HIRA: variants seen among roughly 807,000 people sequenced by gnomAD.
HIRA encodes the protein protein HIRA.
HIRA carries 13 observed loss-of-function variants against 126.6 expected under a neutral mutation model. The observed-to-expected ratio is 0.10, with a 90% CI of 0.07 to 0.16. The LOEUF (loss-of-function observed/expected upper bound fraction) is 0.16. HIRA is among the 10% of genes least tolerant of loss of function. The pLI is 1.00. For synonymous variants in HIRA, 511 were observed against 520.0 expected (o/e 0.98, Z 0.24); for missense variants, 834 against 1,314.4 (o/e 0.63, Z 5.65).
chr22:19,421,299 CAAA>C (rs35575540), intron 1 of HIRA, among the ~76,000 whole-genome samples: 13 of 130,208 alleles, frequency 1.0e-4, no homozygotes, highest in Non-Finnish European at 1.5e-4. Flanking sequence ...AACTCCGTCT[CAAA>C]AAAAAAAAAA....
chr22:19,350,161 TCCATCA>T lies in HIRA; in HGVS notation c.2937+1191_2937+1196del, dbSNP rs553858636. Among the ~76,000 whole-genome samples the T allele has an allele frequency of 6.3e-3, 961 of 152,198 alleles. 4 individuals are homozygous for T. Among genetic ancestry groups the T allele is most frequent in the Middle Eastern group, 0.01 (3 of 294 alleles). ...CCCTTTTAATTTTTTTCCCATGGCA[TCCATCA>T]CCACTCAAGACACTACAGATACCTC... On this transcript the variant is annotated intron_variant, in intron 24 of 24. Transcript: ENST00000263208.
At chr22:19,405,206 G>GAA (rs1341564805) in intron 5 of HIRA, among the ~76,000 whole-genome samples, 1 of 152,104 alleles carries the variant, frequency 6.6e-6, no homozygotes, top group Non-Finnish European at 1.5e-5. Context: ...ACCCTGCCTG[G>GAA]AAAACCCTTT....
chr22:19,420,291 T>C (rs1193446618), intron 1 of HIRA, among the ~76,000 whole-genome samples: 1 of 151,560 alleles, frequency 6.6e-6, no homozygotes, highest in African/African-American at 2.4e-5. Flanking sequence ...ACCCCATCTC[T>C]ACAAATTAAA....
intron 21 of HIRA, among the ~76,000 whole-genome samples, chr22:19,354,663 TACAG>T (rs1178580928): frequency 3.7e-4 from 57 of 152,364 alleles, no homozygotes; most frequent in African/African-American, 1.3e-3. Context: ...CAAAGATGCC[TACAG>T]AGAGTCAATA....
In HIRA at chr22:19,387,776, C is replaced by T. The variant is rs2089140041; in HGVS notation, c.1048G>A (p.Gly350Ser). The T allele has an allele frequency of 3.1e-6, 5 of 1,613,918 alleles. No individual in the cohort carries two copies. Among genetic ancestry groups the T allele is most frequent in the Non-Finnish European group, 1.7e-6 (2 of 1,179,976 alleles). ...GLGILVCSMDGSVAFLDFSQD... is the reference protein window; with the variant it reads ...GLGILVCSMDSSVAFLDFSQD... ...GAGAAGTCGAGGAATGCCACAGAGCCGTCCATAGAGCATACCAAGATGCCC... is the reference window on the plus strand; with the variant it reads ...GAGAAGTCGAGGAATGCCACAGAGCTGTCCATAGAGCATACCAAGATGCCC... The change falls in exon 11 of 25, where the codon GGC becomes AGC. Residue 350 changes from glycine to serine, a missense_variant. Gly to Ser is a moderately conservative substitution (Grantham distance 56). Coordinates refer to ENST00000263208, the MANE Select transcript of HIRA (RefSeq NM_003325.4).
In HIRA at chr22:19,361,809, A is replaced by T. The variant is rs1056636758; in HGVS notation, c.1898T>A (p.Leu633His). The change falls in exon 16 of 25, where the codon CTT becomes CAT. Residue 633 changes from leucine to histidine, a missense_variant. This residue lies in a region of HIRA where 468 missense variants were observed against 574.2 expected (regional missense o/e 0.82). Transcript: ENST00000263208. Reference protein sequence around the residue: ...ASSLSKRKLELEVETVEKKKK... With the variant: ...ASSLSKRKLEHEVETVEKKKK... ...CTTCTTCTCTACTGTCTCTACCTCA[A>T]GCTCAAGTTTTCGCTTGGACAGTGA... 9.3e-6 allele frequency: 15 copies of T among 1,613,952 alleles called. No homozygotes were observed. The highest frequency in any genetic ancestry group is 1.3e-5 in the Non-Finnish European group (15 of 1,180,020).
At chr22:19,401,283 T>C (rs2089266634) in intron 5 of HIRA, among the ~76,000 whole-genome samples, 2 of 152,096 alleles carry the variant, frequency 1.3e-5, no homozygotes, top group African/African-American at 4.8e-5. Flanking sequence ...CTTCAAATAC[T>C]CTCTTCACTG....
chr22:19,379,480 C>T (rs1482817770), intron 13 of HIRA, among the ~76,000 whole-genome samples: 3 of 150,750 alleles, frequency 2.0e-5, no homozygotes, highest in Non-Finnish European at 4.4e-5. Flanking sequence ...CAAAAATTAG[C>T]CGGGCATGGT....
chr22:19,427,289 T>C (rs1055485793), intron 1 of HIRA, among the ~76,000 whole-genome samples: 1 of 152,202 alleles, frequency 6.6e-6, no homozygotes, highest in Non-Finnish European at 1.5e-5. Context: ...GCAACTGCCA[T>C]GTTTATCTCT....
intron 13 of HIRA, among the ~76,000 whole-genome samples, chr22:19,381,510 A>C (rs1316776226): frequency 6.6e-6 from 1 of 152,208 alleles, no homozygotes; most frequent in Non-Finnish European, 1.5e-5. Flanking sequence ...ATTTTACCAA[A>C]ACGCCTATTA....
intron 13 of HIRA, among the ~76,000 whole-genome samples, chr22:19,380,047 T>C (rs1601831135): frequency 1.3e-5 from 2 of 152,058 alleles, no homozygotes; most frequent in African/African-American, 2.4e-5. Context: ...TGACCTTGTA[T>C]CCATCTGCCT....
intron 15 of HIRA, among the ~76,000 whole-genome samples, chr22:19,368,233 T>G (rs1161026872): frequency 2.0e-5 from 3 of 152,178 alleles, no homozygotes; most frequent in Admixed American, 2.0e-4. Context: ...CACACCAGCG[T>G]GTAGAATCCT....
chr22:19,340,794 C>T (rs547766041), intron 24 of HIRA, among the ~76,000 whole-genome samples: 26 of 152,200 alleles, frequency 1.7e-4, no homozygotes, highest in African/African-American at 5.3e-4. Flanking sequence ...TAAAATACTT[C>T]GGAATATACC....
At chr22:19,331,994 T>C (rs1333159973) in intron 24 of HIRA, among the ~76,000 whole-genome samples, 1 of 152,214 alleles carries the variant, frequency 6.6e-6, no homozygotes, top group African/African-American at 2.4e-5. Context: ...AGTGACTGGC[T>C]TTAGTTTTCC....
At position 19,383,708 on chromosome 22, in the gene HIRA, GGCAAA is replaced by G; in HGVS notation, c.1330-8_1330-4del. On this transcript the variant is annotated splice_polypyrimidine_tract_variant and splice_region_variant and intron_variant, in intron 12 of 24. Transcript: ENST00000263208. ...TCAACTTGTTTCTTCAAAAGATTCT[GGCAAA>G]GCAGAGTTACATAAATGAATGCAAA... 6.2e-7 allele frequency: 1 copy of G among 1,613,118 alleles called. No homozygotes were observed.
intron 2 of HIRA, among the ~76,000 whole-genome samples, chr22:19,410,215 A>G (rs1455550519): frequency 6.6e-6 from 1 of 152,208 alleles, no homozygotes; most frequent in Admixed American, 6.5e-5. Flanking sequence ...CAATACTACC[A>G]ATAACAGTTT....
At chr22:19,340,373 G>A (rs781858546) in intron 24 of HIRA, among the ~76,000 whole-genome samples, 2 of 151,822 alleles carry the variant, frequency 1.3e-5, no homozygotes, top group African/African-American at 4.8e-5. Flanking sequence ...ATACCTCAAG[G>A]TAATAAAAGC....
intron 21 of HIRA, among the ~76,000 whole-genome samples, chr22:19,354,719 A>G (rs2088793643): frequency 6.6e-6 from 1 of 152,234 alleles, no homozygotes; most frequent in Non-Finnish European, 1.5e-5. Flanking sequence ...TTATTACAGC[A>G]ATCATATATA....
At chr22:19,403,660 T>G (rs1422052845) in intron 5 of HIRA, among the ~76,000 whole-genome samples, 2 of 152,184 alleles carry the variant, frequency 1.3e-5, no homozygotes, top group Non-Finnish European at 2.9e-5. Context: ...GTTATTATAT[T>G]TACTAGTATT....
Sources: allele counts gnomAD v4.1 joint callset (sites outside exome capture counted in the v4.1 genomes callset), GRCh38; gene constraint gnomAD v4.1.1; regional missense constraint gnomAD v4.1.1; transcripts MANE v1.5; gene names NCBI Gene and HGNC (gene_info 2026-07-23, HGNC 2026-07-21).